Variants in UTY observed in about 807,000 individuals in gnomAD.
UTY encodes ubiquitously transcribed tetratricopeptide repeat containing, Y-linked.
In UTY, 12 loss-of-function variants were observed where a neutral mutation model predicts 32.5. That is an observed-to-expected ratio of 0.37 (90% CI 0.24 to 0.60). The LOEUF (loss-of-function observed/expected upper bound fraction) is 0.60. Ranked by LOEUF, UTY falls within the 20% of genes least tolerant of loss-of-function variation. The probability of loss-of-function intolerance (pLI) is 0.69; values close to 1 mark genes in which losing one functional copy is unlikely to be tolerated. For synonymous variants in UTY, 131 were observed against 103.4 expected (o/e 1.27, Z -1.62); for missense variants, 303 against 299.2 (o/e 1.01, Z -0.09).
At chrY:13,384,983 A>G in intron 8 of UTY, among the ~76,000 whole-genome samples, 2 of 33,412 alleles carry the variant, frequency 6.0e-5, no homozygotes, top group South Asian at 1.3e-3. Flanking sequence ...TAGTTGGGAT[A>G]ATAGGCAAGT....
At chrY:13,255,034 C>T (rs952825626) in intron 28 of UTY, among the ~76,000 whole-genome samples, 2 of 33,395 alleles carry the variant, frequency 6.0e-5, no homozygotes, top group African/African-American at 1.2e-4. Context: ...CATTTCTATA[C>T]AGCACTGGCC....
chrY:13,335,968 T>C lies in UTY; in HGVS notation c.2429A>G (p.His810Arg). 1 of 399,071 alleles carries C rather than the reference T, an allele frequency of 2.5e-6. No individual in the cohort carries two copies. Among genetic ancestry groups the C allele is most frequent in the African/African-American group, 6.1e-5 (1 of 16,316 alleles). ...LIADAVSSPN[H>R]GDSPNLLIAD... ...AATTAATAAATTTGGTGAATCTCCA[T>C]GGTTAGGACTGGAAACAGCATCTGC... The change falls in exon 18 of 30, where the codon CAT (histidine) becomes CGT (arginine). Residue 810 changes from histidine to arginine, a missense_variant. Physicochemically the swap from His to Arg is conservative, Grantham distance 29. Coordinates refer to ENST00000545955, the MANE Select transcript of UTY (RefSeq NM_001258249.2).
intron 3 of UTY, among the ~76,000 whole-genome samples, chrY:13,462,522 T>C: frequency 3.0e-5 from 1 of 33,264 alleles, no homozygotes; most frequent in African/African-American, 1.2e-4. Context: ...TTATATAAAA[T>C]AAGTCAAAAA....
chrY:13,239,670 T>A (rs2053880457), intron 28 of UTY, among the ~76,000 whole-genome samples: 1 of 33,402 alleles, frequency 3.0e-5, no homozygotes, highest in Admixed American at 2.7e-4. Flanking sequence ...AATAAGACGA[T>A]ATAACCAAAG....
intron 21 of UTY, among the ~76,000 whole-genome samples, chrY:13,307,269 A>C: frequency 3.0e-5 from 1 of 33,737 alleles, no homozygotes; most frequent in South Asian, 6.6e-4. Flanking sequence ...TTTTTATTTA[A>C]CATTTGTAAT....
chrY:13,326,611 C>T, intron 18 of UTY, among the ~76,000 whole-genome samples: 1 of 33,663 alleles, frequency 3.0e-5, no homozygotes, highest in Non-Finnish European at 7.4e-5. Context: ...CAAAATTCCT[C>T]GTTATTCATT....
intron 8 of UTY, among the ~76,000 whole-genome samples, chrY:13,387,547 T>C (rs2067000610): frequency 8.8e-5 from 3 of 33,996 alleles, no homozygotes; most frequent in Admixed American, 5.3e-4. Flanking sequence ...CAGTGGCTCA[T>C]GCCTGCAATC....
chrY:13,306,342 T>C (rs988300364), intron 21 of UTY, 92 bp from the exon 22 acceptor site: 118 of 177,840 alleles, frequency 6.6e-4, no homozygotes, highest in Middle Eastern at 1.4e-3. Flanking sequence ...ATGAGCAGTA[T>C]TGACTATTTT....
At chrY:13,317,089 C>T (rs896933136) in intron 21 of UTY, among the ~76,000 whole-genome samples, 3 of 33,065 alleles carry the variant, frequency 9.1e-5, no homozygotes, top group Non-Finnish European at 1.5e-4. Context: ...CTGCAACCTG[C>T]GCCTCCTGGT....
At chrY:13,460,453 A>C in intron 3 of UTY, among the ~76,000 whole-genome samples, 1 of 33,584 alleles carries the variant, frequency 3.0e-5, no homozygotes, top group Admixed American at 2.7e-4. Context: ...TGTAATCCCA[A>C]CACTTCGGGA....
intron 4 of UTY, among the ~76,000 whole-genome samples, chrY:13,444,580 G>A: frequency 3.0e-5 from 1 of 33,524 alleles, no homozygotes; most frequent in East Asian, 7.9e-4. Flanking sequence ...TTATTTGGGT[G>A]ATGGATAACA....
intron 4 of UTY, among the ~76,000 whole-genome samples, chrY:13,446,734 A>G (rs929497117): frequency 2.2e-4 from 7 of 32,069 alleles, no homozygotes; most frequent in Admixed American, 2.1e-3. Flanking sequence ...TTTGAACTGC[A>G]TATCATAATC....
chrY:13,375,909 T>C, intron 8 of UTY, among the ~76,000 whole-genome samples: 4 of 33,830 alleles, frequency 1.2e-4, no homozygotes, highest in African/African-American at 2.3e-4. Flanking sequence ...CTGTTTCAAT[T>C]TGCATTACCA....
At chrY:13,283,056 C>T (rs2057127284) in intron 27 of UTY, among the ~76,000 whole-genome samples, 1 of 34,750 alleles carries the variant, frequency 2.9e-5, no homozygotes, top group Non-Finnish European at 7.3e-5. Flanking sequence ...TTGGAACTTG[C>T]CACACTCCAC....
intron 17 of UTY, among the ~76,000 whole-genome samples, chrY:13,337,820 T>G: frequency 6.1e-5 from 2 of 32,533 alleles, no homozygotes; most frequent in Admixed American, 5.7e-4. Context: ...GAATAAGACT[T>G]TTATACAAAT....
At chrY:13,300,967 C>T (rs563559902) in intron 25 of UTY, among the ~76,000 whole-genome samples, 2,455 of 30,954 alleles carry the variant, frequency 0.079, no homozygotes, top group East Asian at 0.059. Context: ...AATTTCAGCT[C>T]ACTGCAACTT....
chrY:13,389,246 A>G (rs1603448699), intron 8 of UTY, among the ~76,000 whole-genome samples: 1 of 32,985 alleles, frequency 3.0e-5, no homozygotes, highest in Non-Finnish European at 7.5e-5. Context: ...ATTAACCCTT[A>G]TTGGAATTTA....
chrY:13,277,760 G>A, intron 27 of UTY, among the ~76,000 whole-genome samples: 2 of 33,327 alleles, frequency 6.0e-5, no homozygotes, highest in African/African-American at 1.2e-4. Flanking sequence ...CCATCACTAC[G>A]GACTAATGTG....
At chrY:13,387,169 TA>T (rs2066938241) in intron 8 of UTY, among the ~76,000 whole-genome samples, 1 of 29,633 alleles carries the variant, frequency 3.4e-5, no homozygotes, top group Non-Finnish European at 8.3e-5. Context: ...AAACATAAGT[TA>T]AAAAAAAAAC....
Sources: gnomAD v4.1 joint callset for allele counts (sites outside exome capture counted in the v4.1 genomes callset) on GRCh38, gnomAD v4.1.1 for gene constraint, MANE v1.5 for transcripts, NCBI Gene and HGNC (gene_info 2026-07-23, HGNC 2026-07-21) for gene names.